The following C7orf57 variants were observed in gnomAD, a reference collection of about 807,000 sequenced individuals.
C7orf57 encodes chromosome 7 open reading frame 57.
A neutral mutation model predicts 39.0 loss-of-function variants in C7orf57; 33 were observed. That is an observed-to-expected ratio of 0.85 (90% CI 0.64 to 1.13). The LOEUF (loss-of-function observed/expected upper bound fraction) is 1.13. Ranked by LOEUF, C7orf57 falls within the 50% of genes most tolerant of loss-of-function variation. The pLI is 0.00. For synonymous variants in C7orf57, 124 were observed against 137.1 expected, an observed-to-expected ratio of 0.90 and a Z score of 0.67; for missense variants, 346 against 362.3, an observed-to-expected ratio of 0.95 and a Z score of 0.37.
At chr7:48,059,389 T>C (rs2708857) in intron 8 of C7orf57, among the ~76,000 whole-genome samples, 4,987 of 152,290 alleles carry the variant, frequency 0.033, 105 homozygotes, top group Non-Finnish European at 0.048. Flanking sequence ...CTTGCTCTGT[T>C]GCCGGGCCTG....
At chr7:48,051,825 TTC>T (rs1256563804) in intron 6 of C7orf57, among the ~76,000 whole-genome samples, 1 of 28,516 alleles carries the variant, frequency 3.5e-5, no homozygotes, top group African/African-American at 1.9e-4. Context: ...TTCTCTTTCT[TTC>T]TTTCTTTCTT....
At chr7:48,054,664 G>A in intron 8 of C7orf57, 58 bp downstream of exon 8, 2 of 1,436,516 alleles carry the variant, frequency 1.4e-6, no homozygotes, top group Non-Finnish European at 1.9e-6. Flanking sequence ...CAAAGAAATT[G>A]ATGGACATAG....
At chr7:48,047,562 G>A (rs1790752888) in intron 5 of C7orf57, among the ~76,000 whole-genome samples, 1 of 152,160 alleles carries the variant, frequency 6.6e-6, no homozygotes, top group South Asian at 2.1e-4. Flanking sequence ...AACACCAAGT[G>A]GAATGTCAAC....
rs932626739 is a variant in C7orf57 at position 48,040,486 on chromosome 7, C to T, written c.56-848C>T. Among the ~76,000 whole-genome samples, 6 of 152,302 alleles carry T rather than the reference C, an allele frequency of 3.9e-5. No individual in the cohort carries two copies. The South Asian group carries it at 1.0e-3, about 26-fold the overall frequency. Reference sequence around the variant, plus strand: ...CCATAACACATAAGTCACCTGTTTCCGCCACTTTTCAGGAACCATCTAGAC... The same window carrying T: ...CCATAACACATAAGTCACCTGTTTCTGCCACTTTTCAGGAACCATCTAGAC... On this transcript the variant is annotated intron_variant, in intron 2 of 8. Transcript: ENST00000348904.
rs1056582557 is a variant in C7orf57, at chr7:48,060,287, T to C, written c.*15T>C. 13 of 1,501,968 alleles carry C rather than the reference T, an allele frequency of 8.7e-6. No individual in the cohort carries two copies. The highest frequency in any genetic ancestry group is 1.2e-5 in the Non-Finnish European group (13 of 1,110,354). The allele number at this position is 1,501,968 out of a possible 1,614,324, so 93.0% of individuals were successfully genotyped here. ...AGCTCAAATAAATCCTGATGCAATA[T>C]GTATTTAGGATAATTTTTAAATGGC... On this transcript the variant is annotated 3_prime_UTR_variant, in exon 9 of 9. Coordinates refer to ENST00000348904, the MANE Select transcript of C7orf57 (RefSeq NM_001100159.3).
rs569655436 is a variant in C7orf57 at position 48,052,482 on chromosome 7, T to C, written c.606-218T>C. Among the ~76,000 whole-genome samples the C allele has an allele frequency of 2.3e-4, 35 of 152,154 alleles. No homozygotes were observed. In the South Asian group the frequency reaches 6.4e-3, roughly 28 times the overall value. ...GGGATGCTTTGACATGCACTTGCTA[T>C]GCTTAAAAATGGAGACAGTGAGACA... On this transcript the variant is annotated intron_variant, in intron 6 of 8. Transcript: ENST00000348904.
At chr7:48,042,726 TA>T (rs1366842385) in intron 3 of C7orf57, among the ~76,000 whole-genome samples, 1 of 151,952 alleles carries the variant, frequency 6.6e-6, no homozygotes, top group Non-Finnish European at 1.5e-5. Flanking sequence ...TTACTGATAG[TA>T]ATAGGTCAAC....
chr7:48,058,068 T>A (rs1473205043), intron 8 of C7orf57, among the ~76,000 whole-genome samples: 2 of 152,202 alleles, frequency 1.3e-5, no homozygotes, highest in Non-Finnish European at 2.9e-5. Context: ...TTTATGATCT[T>A]TTTAATGTGC....
chr7:48,042,254 A>G (rs1790572120), intron 3 of C7orf57, among the ~76,000 whole-genome samples: 1 of 152,260 alleles, frequency 6.6e-6, no homozygotes, highest in African/African-American at 2.4e-5. Context: ...TTGATGGACT[A>G]GGTGTGATGC....
At chr7:48,052,656 T>C (rs576118634) in intron 6 of C7orf57, 44 bp from the exon 7 acceptor site, 2 of 1,533,180 alleles carry the variant, frequency 1.3e-6, no homozygotes, top group East Asian at 4.5e-5. Flanking sequence ...GCTTTATCAT[T>C]AACCCTTGTA....
rs954012510 is a variant in C7orf57 at position 48,046,603 on chromosome 7, A to C, written c.494A>C (p.Lys165Thr). Residue 165 changes from lysine (K) to threonine (T), a missense_variant, in exon 5 of 9, where the codon AAG (lysine) becomes ACG (threonine). Lys to Thr is a moderately conservative substitution (Grantham distance 78). Transcript: ENST00000348904. ...VWQREAEELE[K>T]EKKKLRLPAI... Reference sequence around the variant, plus strand: ...CAAAGAGAGGCTGAGGAACTTGAAAAGGAGAAAAAAAAGGTGACGGGAGCC... The same window carrying C: ...CAAAGAGAGGCTGAGGAACTTGAAACGGAGAAAAAAAAGGTGACGGGAGCC... The C allele has an allele frequency of 9.3e-6, 15 of 1,612,798 alleles. No individual in the cohort carries two copies. In the Admixed American group the frequency reaches 1.2e-4, roughly 13 times the overall value.
intron 4 of C7orf57, among the ~76,000 whole-genome samples, chr7:48,044,198 G>A (rs893348190): frequency 6.6e-6 from 1 of 152,168 alleles, no homozygotes; most frequent in African/African-American, 2.4e-5. Flanking sequence ...TGCCGGATCC[G>A]GAGAGGTGGA....
In C7orf57 at chr7:48,039,209, G is replaced by T. The variant is rs571420816; in HGVS notation, c.56-2125G>T. 7.2e-4 allele frequency among the ~76,000 whole-genome samples: 109 copies of T among 152,316 alleles called. 2 individuals carry two copies. The highest frequency in any genetic ancestry group is 2.6e-3 in the African/African-American group (106 of 41,560). On this transcript the variant is annotated intron_variant, in intron 2 of 8. Coordinates refer to ENST00000348904, the MANE Select transcript of C7orf57 (RefSeq NM_001100159.3). ...TAGGACCATTTCGAACTATGTCAAA[G>T]AAGTCTATATTGGGGTAAAATATTT...
chr7:48,043,463 G>T lies in C7orf57; in HGVS notation c.242-18G>T. The stretch of plus-strand genomic sequence containing the variant: ...GGGCGGCGGGGTGTCTCACAGCCAT[G>T]TCATTTTCTCTTTTGAGATTTGTTG... On this transcript the variant is annotated intron_variant, in intron 3 of 8. Coordinates refer to ENST00000348904, the MANE Select transcript of C7orf57 (RefSeq NM_001100159.3). The T allele has an allele frequency of 6.2e-7, 1 of 1,603,160 alleles. No individual in the cohort carries two copies. Among genetic ancestry groups the T allele is most frequent in the South Asian group, 1.1e-5 (1 of 90,564 alleles).
At chr7:48,039,180 T>A (rs1342124564) in intron 2 of C7orf57, among the ~76,000 whole-genome samples, 1 of 152,206 alleles carries the variant, frequency 6.6e-6, no homozygotes, top group Non-Finnish European at 1.5e-5. Context: ...AAGAGACAGC[T>A]TTGTAGGACC....
chr7:48,053,050 C>A, intron 7 of C7orf57, 127 bp downstream of exon 7: 1 of 758,454 alleles, frequency 1.3e-6, no homozygotes, highest in Non-Finnish European at 2.3e-6. Flanking sequence ...GTGAAAACGC[C>A]CACAGAAGTA....
Position 48,050,033 on chromosome 7 carries a change from G to A in C7orf57, c.605+56G>A, listed in dbSNP as rs539919207. On this transcript the variant is annotated intron_variant, in intron 6 of 8. Transcript: ENST00000348904. ...GGACTGGGTTTGGGTTTGGCCTTCC[G>A]TCTTTCATCCGGTGATGACTGCGCT... The A allele has an allele frequency of 6.1e-4, 736 of 1,207,934 alleles. 13 individuals are homozygous for A. The South Asian group carries it at 7.9e-3, about 13-fold the overall frequency. The allele number at this position is 1,207,934 out of a possible 1,614,324, so 74.8% of individuals were successfully genotyped here.
At position 48,046,593 on chromosome 7, in the gene C7orf57, G is replaced by A. The variant is rs767919671; in HGVS notation, c.484G>A (p.Glu162Lys). 6.2e-7 allele frequency: 1 copy of A among 1,613,360 alleles called. No homozygotes were observed. Among genetic ancestry groups the A allele is most frequent in the Non-Finnish European group, 8.5e-7 (1 of 1,179,610 alleles). ...MKTVWQREAE[E>K]LEKEKKKLRL... Reference sequence around the variant, plus strand: ...AACAGTTTGGCAAAGAGAGGCTGAGGAACTTGAAAAGGAGAAAAAAAAGGT... The same window carrying A: ...AACAGTTTGGCAAAGAGAGGCTGAGAAACTTGAAAAGGAGAAAAAAAAGGT... The change falls in exon 5 of 9, where the codon GAA (glutamate) becomes AAA (lysine). Residue 162 changes from glutamate (E) to lysine (K), a missense_variant. Transcript: ENST00000348904.
intron 2 of C7orf57, among the ~76,000 whole-genome samples, chr7:48,039,533 G>T (rs1448398596): frequency 1.3e-5 from 2 of 151,992 alleles, no homozygotes; most frequent in African/African-American, 4.8e-5. Flanking sequence ...GTTTATTTTT[G>T]GTTTACTCTG....
Sources: gnomAD v4.1 joint callset for allele counts (sites outside exome capture counted in the v4.1 genomes callset) on GRCh38, gnomAD v4.1.1 for gene constraint, MANE v1.5 for transcripts, NCBI Gene and HGNC (gene_info 2026-07-23, HGNC 2026-07-21) for gene names.